UBE2T: variants seen among roughly 807,000 people sequenced by gnomAD.
The protein encoded by UBE2T is ubiquitin conjugating enzyme E2 T.
Under a neutral mutation model 23.3 loss-of-function variants are expected in UBE2T, and 15 were observed. The observed-to-expected ratio is 0.64, with a 90% CI of 0.43 to 0.99. The LOEUF (loss-of-function observed/expected upper bound fraction) is 0.99, where lower values mean the gene tolerates loss of function less well. Ranked by LOEUF, UBE2T falls within the 50% of genes least tolerant of loss-of-function variation. UBE2T has a pLI of 0.00. For synonymous variants in UBE2T, 67 were observed against 78.4 expected (o/e 0.85, Z 0.77); for missense variants, 197 against 234.9 (o/e 0.84, Z 1.05).
intron 1 of UBE2T, among the ~76,000 whole-genome samples, chr1:202,338,882 C>T (rs61821696): frequency 6.8e-6 from 1 of 146,818 alleles, no homozygotes; most frequent in Non-Finnish European, 1.5e-5. Context: ...TAAACAACAG[C>T]CAAAAAAAAA....
In UBE2T at chr1:202,333,094, C is replaced by G. The variant is rs1240832232; in HGVS notation, c.385-1G>C. On this transcript the variant is annotated splice_acceptor_variant, in intron 5 of 6. Transcript: ENST00000646651. LOFTEE classifies it high-confidence loss of function. Reference sequence around the variant, plus strand: ...GCTTATTATATTTAAATTCTGAGGACTGAGATGAAATCAAAGAAAAGAGTT... The same window carrying G: ...GCTTATTATATTTAAATTCTGAGGAGTGAGATGAAATCAAAGAAAAGAGTT... 1 of 1,613,232 alleles carries G rather than the reference C, an allele frequency of 6.2e-7. No individual in the cohort carries two copies. Among genetic ancestry groups the G allele is most frequent in the East Asian group, 2.2e-5 (1 of 44,866 alleles).
chr1:202,333,665 G>T, intron 3 of UBE2T, 110 bp from the exon 4 acceptor site: 1 of 988,610 alleles, frequency 1.0e-6, no homozygotes, highest in Non-Finnish European at 1.5e-6. Flanking sequence ...ATGTCAGGGA[G>T]ACTGCCTTTG....
intron 1 of UBE2T, among the ~76,000 whole-genome samples, chr1:202,339,990 A>G (rs1256139525): frequency 2.0e-5 from 3 of 151,942 alleles, no homozygotes; most frequent in African/African-American, 4.8e-5. Flanking sequence ...CAGGTGGATC[A>G]CTTGAGATCG....
rs191337547 is a variant in UBE2T, at chr1:202,337,874, C to A, written c.-64-2056G>T. ...TGATTATTCTTGACTCTTTGCTCTT[C>A]CATATAAATTTGAGAATCAGTTCAT... On this transcript the variant is annotated intron_variant, in intron 1 of 6. Transcript: ENST00000646651. Among the ~76,000 whole-genome samples, 35 of 152,178 alleles carry A rather than the reference C, an allele frequency of 2.3e-4. No individual in the cohort carries two copies. The East Asian group carries it at 6.8e-3, about 29-fold the overall frequency.
Position 202,333,522 on chromosome 1 carries a change from G to A in UBE2T, c.213C>T (p.Leu71=), listed in dbSNP as rs764559937. The change falls in exon 4 of 7, where the codon CTC becomes CTT. Residue 71 remains leucine, a synonymous_variant. Coordinates refer to ENST00000646651, the MANE Select transcript of UBE2T (RefSeq NM_014176.4). ...CAATGTTTGGATGATAAATTGGAGT[G>A]AGAAATCGGATCTGAGGAGGTTCAA... ...YPFEPPQIRF[L]TPIYHPNIDS... is the part of the protein sequence containing the mutation. The A allele has an allele frequency of 4.3e-6, 7 of 1,614,148 alleles. No individual in the cohort carries two copies. The highest frequency in any genetic ancestry group is 1.1e-5 in the South Asian group (1 of 91,080).
At chr1:202,339,742 A>G (rs1654960420) in intron 1 of UBE2T, among the ~76,000 whole-genome samples, 1 of 152,144 alleles carries the variant, frequency 6.6e-6, no homozygotes, top group Non-Finnish European at 1.5e-5. Context: ...AAATAATTCA[A>G]AGTATATGGG....
rs1310749283 is a variant in UBE2T, at chr1:202,340,741, T to TAAAATGAG, written c.-65+1153_-65+1154insCTCATTTT. Among the ~76,000 whole-genome samples, 3 of 152,118 alleles carry TAAAATGAG rather than the reference T, an allele frequency of 2.0e-5. No homozygotes were observed. In the South Asian group the frequency reaches 6.2e-4, roughly 32 times the overall value. On this transcript the variant is annotated intron_variant, in intron 1 of 6. Transcript: ENST00000646651. ...GTAAAAGTATCACAAGTATAAAGTA[T>TAAAATGAG]ACCTTTATATAAAATGAGAACAGTG...
chr1:202,336,616 C>T (rs907502227), intron 1 of UBE2T, among the ~76,000 whole-genome samples: 1 of 152,108 alleles, frequency 6.6e-6, no homozygotes, highest in Admixed American at 6.5e-5. Flanking sequence ...ACTATTGTAG[C>T]CTTAGCATGC....
In UBE2T at chr1:202,335,623, C is replaced by A; in HGVS notation, c.109+23G>T. On this transcript the variant is annotated intron_variant, in intron 2 of 6. Coordinates refer to ENST00000646651, the MANE Select transcript of UBE2T (RefSeq NM_014176.4). This position sits in a 1 kb window ranked among gnomAD's most constrained non-coding sequence, Gnocchi z 4.0. ...TCTTCAATAGGGTCATGACTTTCAT[C>A]ATATACATGATTTGATACCTACGAG... 2 of 1,602,096 alleles carry A rather than the reference C, an allele frequency of 1.2e-6. No individual in the cohort carries two copies. The highest frequency in any genetic ancestry group is 2.2e-5 in the South Asian group (2 of 90,770).
At chr1:202,333,583 T>G in intron 3 of UBE2T, 28 bp from the exon 4 acceptor site, 1 of 1,582,366 alleles carries the variant, frequency 6.3e-7, no homozygotes, top group Non-Finnish European at 8.6e-7. Context: ...AACAGATAAT[T>G]TTCATTACAT....
intron 1 of UBE2T, among the ~76,000 whole-genome samples, chr1:202,341,124 G>A (rs1480916752): frequency 6.6e-6 from 1 of 152,154 alleles, no homozygotes; most frequent in Admixed American, 6.5e-5. Flanking sequence ...CACCCTCTGT[G>A]CGTCTACATC....
chr1:202,341,577 CAAAA>C (rs57598991), intron 1 of UBE2T, among the ~76,000 whole-genome samples: 3 of 20,306 alleles, frequency 1.5e-4, no homozygotes, highest in African/African-American at 5.3e-4. Context: ...GACTCCGTCT[CAAAA>C]AAAAAAAAAA....
rs370940345 is a variant in UBE2T, at chr1:202,335,547, T to C, written c.109+99A>G. On this transcript the variant is annotated intron_variant, in intron 2 of 6. Transcript: ENST00000646651. The surrounding 1 kb of genome is among the most constrained non-coding windows in gnomAD (Gnocchi z 4.0). Reference sequence around the variant, plus strand: ...AAGATGGTAGGGCACTCTGACCTTATAACTGCTCCTTACTTTAGAAGAATA... The same window carrying C: ...AAGATGGTAGGGCACTCTGACCTTACAACTGCTCCTTACTTTAGAAGAATA... 136 of 1,221,672 alleles carry C rather than the reference T, an allele frequency of 1.1e-4. 4 individuals carry two copies. The highest frequency in any genetic ancestry group is 6.3e-4 in the East Asian group (27 of 42,638). The allele number at this position is 1,221,672 out of a possible 1,614,324, so 75.7% of individuals were successfully genotyped here.
chr1:202,337,135 G>A (rs1416903325), intron 1 of UBE2T, among the ~76,000 whole-genome samples: 5 of 152,038 alleles, frequency 3.3e-5, no homozygotes, highest in African/African-American at 9.7e-5. Context: ...TAGAGATGGG[G>A]TTTCACCATC....
chr1:202,333,412 C>T, intron 4 of UBE2T, 38 bp downstream of exon 4: 3 of 1,613,126 alleles, frequency 1.9e-6, no homozygotes, highest in Non-Finnish European at 2.5e-6. Context: ...ATGAAGAAAA[C>T]AGAATGCTGT....
rs1571471755 is a variant in UBE2T, at chr1:202,335,656, G to A, written c.99C>T (p.Asp33=). The A allele has an allele frequency of 3.1e-6, 5 of 1,613,982 alleles. No individual in the cohort carries two copies. In the East Asian group the frequency reaches 1.1e-4, roughly 36 times the overall value. Residue 33 remains aspartate, a synonymous_variant, in exon 2 of 7, where the codon GAC becomes GAT. Transcript: ENST00000646651. The surrounding 1 kb of genome is among the most constrained non-coding windows in gnomAD (Gnocchi z 4.0). ...TCWQDKDQMD[D]LRAQILGGAN... ...TGATTTGATACCTACGAGCTCGCAG[G>A]TCATCCATTTGGTCTTTATCTTGCC...
rs1163736312 is a variant in UBE2T at position 202,333,074 on chromosome 1, T to C, written c.404A>G (p.Asn135Ser). ...GGCATTCTTGAGGAAGGCTGGCTTA[T>C]TATATTTAAATTCTGAGGACTGAGA... ...MADISSEFKY[N>S]KPAFLKNARQ... The change falls in exon 6 of 7, where the codon AAT (asparagine) becomes AGT (serine). Residue 135 changes from asparagine to serine, a missense_variant. Transcript: ENST00000646651. 1.2e-6 allele frequency: 2 copies of C among 1,613,770 alleles called. No individual in the cohort carries two copies. Among genetic ancestry groups the C allele is most frequent in the Non-Finnish European group, 1.7e-6 (2 of 1,179,886 alleles).
chr1:202,341,723 C>T (rs1655011296), intron 1 of UBE2T, among the ~76,000 whole-genome samples, 172 bp downstream of exon 1: 1 of 151,886 alleles, frequency 6.6e-6, no homozygotes, highest in Non-Finnish European at 1.5e-5. Context: ...CGATTTCATG[C>T]AAAGATACGG....
chr1:202,333,915 T>A (rs1654822766), intron 3 of UBE2T, among the ~76,000 whole-genome samples: 1 of 152,102 alleles, frequency 6.6e-6, no homozygotes, highest in South Asian at 2.1e-4. Context: ...AGATTTCAGT[T>A]GTTCTCCCCA....
Sources: allele counts gnomAD v4.1 joint callset (sites outside exome capture counted in the v4.1 genomes callset), GRCh38; gene constraint gnomAD v4.1.1; non-coding constraint Gnocchi (gnomAD v3.1); transcripts MANE v1.5; gene names NCBI Gene and HGNC (gene_info 2026-07-23, HGNC 2026-07-21).